CNOT1: variants seen among roughly 807,000 people sequenced by gnomAD.
CNOT1 encodes the protein CCR4-associated factor 1.
Under a neutral mutation model 273.8 loss-of-function variants are expected in CNOT1, and 15 were observed. The observed-to-expected ratio is 0.05, with a 90% CI of 0.04 to 0.08. The LOEUF is 0.08. CNOT1 is among the 10% of genes least tolerant of loss of function. The pLI is 1.00. For missense variants in CNOT1, 1,644 were observed against 2,912.2 expected (o/e 0.56, Z 10.02); for synonymous variants, 1,022 against 1,005.5 (o/e 1.02, Z -0.31).
intron 47 of CNOT1, among the ~76,000 whole-genome samples, chr16:58,522,614 C>A (rs529772474): frequency 6.6e-6 from 1 of 152,246 alleles, no homozygotes; most frequent in South Asian, 2.1e-4. Context: ...GGCAATCTGG[C>A]AACAGATTCC....
rs996318373 is a variant in CNOT1 at position 58,599,448 on chromosome 16, G to T, written c.-111C>A. The T allele has an allele frequency of 3.0e-6, 4 of 1,314,722 alleles. No homozygotes were observed. Among genetic ancestry groups the T allele is most frequent in the Non-Finnish European group, 4.2e-6 (4 of 942,688 alleles). 81.4% of individuals were successfully genotyped at this position (1,314,722 alleles called of 1,614,324 possible). A position where few individuals can be genotyped will look rare whatever the true frequency, so the allele number is the denominator to read the frequency against. On this transcript the variant is annotated 5_prime_UTR_variant, in exon 2 of 49. Coordinates refer to ENST00000317147, the MANE Select transcript of CNOT1 (RefSeq NM_016284.5). Reference sequence around the variant, plus strand: ...TTTCTTTGTAATTAGGCTATATCTGGTATCTGTATAATATCTTCAGTTCTT... The same window carrying T: ...TTTCTTTGTAATTAGGCTATATCTGTTATCTGTATAATATCTTCAGTTCTT...
intron 1 of CNOT1, among the ~76,000 whole-genome samples, chr16:58,609,842 G>GAT (rs138676396): frequency 0.023 from 3,363 of 149,174 alleles, 165 homozygotes; most frequent in Admixed American, 0.11. Flanking sequence ...CACTTAGGGT[G>GAT]ATATATATAT....
chr16:58,540,729 G>GT (rs1181156956), intron 34 of CNOT1, among the ~76,000 whole-genome samples: 1 of 151,464 alleles, frequency 6.6e-6, no homozygotes. Context: ...CAGGAAAAGG[G>GT]TTTTTTAAGA....
At chr16:58,570,633 T>G (rs1012637297) in intron 16 of CNOT1, among the ~76,000 whole-genome samples, 5 of 152,090 alleles carry the variant, frequency 3.3e-5, no homozygotes, top group African/African-American at 1.2e-4. Flanking sequence ...AATAACTGCA[T>G]GAAGCAAGAA....
At chr16:58,593,153 T>G (rs2042121261) in intron 2 of CNOT1, among the ~76,000 whole-genome samples, 1 of 152,196 alleles carries the variant, frequency 6.6e-6, no homozygotes, top group African/African-American at 2.4e-5. Context: ...CCAGGCGCGG[T>G]GGCTGATGCC....
At chr16:58,536,902 C>G in intron 39 of CNOT1, 87 bp downstream of exon 39, 2 of 1,536,164 alleles carry the variant, frequency 1.3e-6, no homozygotes. Flanking sequence ...TGTCTGACCA[C>G]ATGTACGCAA....
chr16:58,531,126 T>A (rs939678530), intron 42 of CNOT1, among the ~76,000 whole-genome samples: 9 of 152,236 alleles, frequency 5.9e-5, no homozygotes, highest in Non-Finnish European at 1.2e-4. Context: ...AATGTCAGCC[T>A]GCTCACCCTC....
At chr16:58,527,331 G>C (rs1468999758) in intron 44 of CNOT1, among the ~76,000 whole-genome samples, 3 of 151,586 alleles carry the variant, frequency 2.0e-5, no homozygotes, top group Non-Finnish European at 4.4e-5. Context: ...AGACCAGCCT[G>C]GCCAACTAGT....
intron 19 of CNOT1, 65 bp from the exon 20 acceptor site, chr16:58,555,973 A>G (rs2040616249): frequency 1.8e-5 from 28 of 1,589,260 alleles, no homozygotes; most frequent in Non-Finnish European, 4.3e-6. Context: ...CATAAAACAC[A>G]GCCAGCCAGA....
chr16:58,625,342 G>A (rs901543742), intron 1 of CNOT1, among the ~76,000 whole-genome samples: 4 of 152,046 alleles, frequency 2.6e-5, no homozygotes, highest in African/African-American at 9.7e-5. Context: ...GTGAAACCCT[G>A]TCTCTACTAA....
In CNOT1 at chr16:58,580,048, A is replaced by G. The variant is rs2151972665; in HGVS notation, c.1343+585T>C. On this transcript the variant is annotated intron_variant, in intron 12 of 48. Coordinates refer to ENST00000317147, the MANE Select transcript of CNOT1 (RefSeq NM_016284.5). ...AACATGGTAAAACCTCATCTCTACTAAAAATATAAAACTTAGCCCAGGGCG... is the reference window on the plus strand; with the variant it reads ...AACATGGTAAAACCTCATCTCTACTGAAAATATAAAACTTAGCCCAGGGCG... Among the ~76,000 whole-genome samples the G allele has an allele frequency of 2.0e-5, 3 of 152,222 alleles. No homozygotes were observed. The South Asian group carries it at 6.2e-4, about 32-fold the overall frequency.
At chr16:58,521,983 C>T in intron 47 of CNOT1, among the ~76,000 whole-genome samples, 1 of 151,762 alleles carries the variant, frequency 6.6e-6, no homozygotes, top group South Asian at 2.1e-4. Flanking sequence ...AATAAATAAG[C>T]TCACTCTCAA....
chr16:58,601,539 C>A (rs183067644), intron 1 of CNOT1, among the ~76,000 whole-genome samples: 2 of 152,202 alleles, frequency 1.3e-5, no homozygotes, highest in African/African-American at 4.8e-5. Flanking sequence ...ATGTAAGATG[C>A]AGGAAACTCA....
chr16:58,601,866 G>A (rs984032015), intron 1 of CNOT1, among the ~76,000 whole-genome samples: 15 of 92,028 alleles, frequency 1.6e-4, no homozygotes, highest in African/African-American at 7.3e-4. Flanking sequence ...GCGAGACCCT[G>A]TCTATTAAAA....
intron 10 of CNOT1, among the ~76,000 whole-genome samples, chr16:58,582,340 C>G (rs908962644): frequency 5.3e-5 from 8 of 152,104 alleles, no homozygotes; most frequent in African/African-American, 1.2e-4. Flanking sequence ...GGTACAATGG[C>G]TCACGCTTGT....
At chr16:58,579,047 T>C (rs759627150) in intron 12 of CNOT1, 108 bp from the exon 13 acceptor site, 329 of 1,476,698 alleles carry the variant, frequency 2.2e-4, no homozygotes, top group Non-Finnish European at 2.9e-4. Flanking sequence ...GTTGGTGTCA[T>C]GTTTTAATAT....
At position 58,610,275 on chromosome 16, in the gene CNOT1, C is replaced by G. The variant is rs2042848224; in HGVS notation, c.-174-10764G>C. Among the ~76,000 whole-genome samples the G allele has an allele frequency of 7.9e-5, 12 of 152,276 alleles. No individual in the cohort carries two copies. In the South Asian group the frequency reaches 2.5e-3, roughly 32 times the overall value. On this transcript the variant is annotated intron_variant, in intron 1 of 48. Coordinates refer to ENST00000317147, the MANE Select transcript of CNOT1 (RefSeq NM_016284.5). ...TCTACTAAAAATACAAAAAACTAGC[C>G]AGGCATGGTGGTAGACACCTGTAAT...
chr16:58,628,235 G>A (rs766163969), intron 1 of CNOT1, among the ~76,000 whole-genome samples: 1 of 152,190 alleles, frequency 6.6e-6, no homozygotes, highest in Admixed American at 6.5e-5. Flanking sequence ...TCAAAGCACA[G>A]CTAGCCACCT....
chr16:58,625,499 C>G (rs2043529470), intron 1 of CNOT1, among the ~76,000 whole-genome samples: 1 of 150,726 alleles, frequency 6.6e-6, no homozygotes, highest in Non-Finnish European at 1.5e-5. Context: ...GCAACAAGAG[C>G]AAAACCCTGT....
Sources: allele counts gnomAD v4.1 joint callset (sites outside exome capture counted in the v4.1 genomes callset), GRCh38; gene constraint gnomAD v4.1.1; transcripts MANE v1.5; gene names NCBI Gene and HGNC (gene_info 2026-07-23, HGNC 2026-07-21).